Variants in ADIPOR2 observed in about 807,000 individuals in gnomAD.
ADIPOR2 encodes adiponectin receptor protein 2.
ADIPOR2 carries 18 observed loss-of-function variants against 40.9 expected under a neutral mutation model. That is an observed-to-expected ratio of 0.44 (90% confidence interval 0.30 to 0.65). The LOEUF is 0.65. Ranked by LOEUF, ADIPOR2 falls within the 30% of genes least tolerant of loss-of-function variation. ADIPOR2 has a pLI of 0.09. For missense variants in ADIPOR2, 283 were observed against 479.2 expected (o/e 0.59, Z 3.82); for synonymous variants, 165 against 166.4 (o/e 0.99, Z 0.06).
chr12:1,751,978 G>A (rs2094770226), intron 1 of ADIPOR2, among the ~76,000 whole-genome samples: 1 of 151,178 alleles, frequency 6.6e-6, no homozygotes, highest in Non-Finnish European at 1.5e-5. Context: ...CATGATCTCG[G>A]CTCACTGCAG....
Position 1,788,352 on chromosome 12 carries a change from C to T in ADIPOR2, c.*2280C>T, listed in dbSNP as rs1164768888. 2 of 152,680 alleles carry T rather than the reference C, an allele frequency of 1.3e-5. No individual in the cohort carries two copies. The highest frequency in any genetic ancestry group is 6.5e-5 in the Admixed American group (1 of 15,284). 9.5% of individuals were successfully genotyped at this position (152,680 alleles called of 1,614,324 possible). On this transcript the variant is annotated 3_prime_UTR_variant, in exon 8 of 8. Coordinates refer to ENST00000357103, the MANE Select transcript of ADIPOR2 (RefSeq NM_024551.3). ...CATGTGCACTTGACCTGACAGTGCT[C>T]GCTGAGAACTCTCACCAGGTTGGCG... is the stretch of plus-strand genomic sequence containing the variant.
intron 2 of ADIPOR2, among the ~76,000 whole-genome samples, chr12:1,755,834 A>T (rs147193760): frequency 2.9e-4 from 44 of 152,396 alleles, no homozygotes; most frequent in East Asian, 2.7e-3. Context: ...AGATCAAAAT[A>T]GAATAAAAAC....
chr12:1,741,673 TG>T (rs1163635993), intron 1 of ADIPOR2, among the ~76,000 whole-genome samples: 1 of 152,190 alleles, frequency 6.6e-6, no homozygotes, highest in Admixed American at 6.5e-5. Flanking sequence ...AGACAACCAA[TG>T]GGGAATTCAT....
chr12:1,711,063 CA>C (rs1254539768), intron 1 of ADIPOR2, among the ~76,000 whole-genome samples: 1 of 152,152 alleles, frequency 6.6e-6, no homozygotes, highest in African/African-American at 2.4e-5. Context: ...GGTGGCGTCT[CA>C]TACTATCCCT....
intron 1 of ADIPOR2, among the ~76,000 whole-genome samples, chr12:1,716,024 T>TG (rs2094686967): frequency 6.6e-6 from 1 of 152,166 alleles, no homozygotes; most frequent in Non-Finnish European, 1.5e-5. Context: ...CAGTAAATCT[T>TG]GCTGCTGCTC....
At chr12:1,703,122 G>A (rs1358488711) in intron 1 of ADIPOR2, 1 of 152,172 alleles carries the variant, frequency 6.6e-6, no homozygotes, top group Non-Finnish European at 1.5e-5. Context: ...CAATCTAAAT[G>A]TTAAAAATAT....
chr12:1,776,473 T>G (rs1592630247), intron 3 of ADIPOR2, among the ~76,000 whole-genome samples: 2 of 152,332 alleles, frequency 1.3e-5, no homozygotes, highest in East Asian at 3.9e-4. Context: ...TGAGCCCACA[T>G]TAGCTGGAAG....
intron 1 of ADIPOR2, among the ~76,000 whole-genome samples, chr12:1,693,740 T>C (rs891054259): frequency 6.6e-6 from 1 of 152,028 alleles, no homozygotes; most frequent in Non-Finnish European, 1.5e-5. Flanking sequence ...GGTTTCACCA[T>C]GTTGGCCAGG....
At chr12:1,771,511 A>G (rs539456168) in intron 2 of ADIPOR2, among the ~76,000 whole-genome samples, 5 of 152,188 alleles carry the variant, frequency 3.3e-5, no homozygotes, top group Non-Finnish European at 7.3e-5. Context: ...TCATTGAAGG[A>G]TAGATGGTAA....
intron 3 of ADIPOR2, 94 bp downstream of exon 3, chr12:1,773,055 T>C (rs1862519779): frequency 2.7e-5 from 39 of 1,433,190 alleles, no homozygotes; most frequent in Non-Finnish European, 3.5e-5. Flanking sequence ...TAGCCTTTGG[T>C]TTGCTTTGGG....
chr12:1,726,883 TC>T (rs2094709094), intron 1 of ADIPOR2, among the ~76,000 whole-genome samples: 1 of 152,222 alleles, frequency 6.6e-6, no homozygotes, highest in East Asian at 1.9e-4. Flanking sequence ...TTCTTTATGA[TC>T]TTTTCATCTC....
chr12:1,784,489 C>T (rs557137669), intron 7 of ADIPOR2, among the ~76,000 whole-genome samples: 1 of 152,238 alleles, frequency 6.6e-6, no homozygotes, highest in East Asian at 1.9e-4. Flanking sequence ...AATGGCAAGT[C>T]ATTTTGCCAT....
rs189636965 is a variant in ADIPOR2, at chr12:1,741,019, A to T, written c.-86-13239A>T. ...TTCCCAGGCATGTTTCTAGGGCCTG[A>T]TGTTGATCAAGATTGGTATGGAAAA... On this transcript the variant is annotated intron_variant, in intron 1 of 7. Transcript: ENST00000357103. 2.5e-3 allele frequency among the ~76,000 whole-genome samples: 378 copies of T among 152,264 alleles called. 3 individuals carry two copies. Among genetic ancestry groups the T allele is most frequent in the Non-Finnish European group, 4.6e-3 (310 of 68,022 alleles).
In ADIPOR2 at chr12:1,782,129, G is replaced by A. The variant is rs375939852; in HGVS notation, c.838+1053G>A. 6.2e-4 allele frequency among the ~76,000 whole-genome samples: 94 copies of A among 152,334 alleles called. 3 individuals are homozygous for A. The South Asian group carries it at 0.019, about 30-fold the overall frequency. ...TGTAGAGGAAAAGAAAAAGTGAATA[G>A]TGCAAAAGTCTAGCAAATCTTTCCT... is the stretch of plus-strand genomic sequence containing the variant. On this transcript the variant is annotated intron_variant, in intron 6 of 7. Transcript: ENST00000357103.
At chr12:1,772,991 G>C (rs2099663919) in intron 3 of ADIPOR2, 30 bp downstream of exon 3, 1 of 1,609,524 alleles carries the variant, frequency 6.2e-7, no homozygotes, top group African/African-American at 1.3e-5. Context: ...TCATTGTCAT[G>C]CTATATATTT....
intron 1 of ADIPOR2, among the ~76,000 whole-genome samples, chr12:1,708,079 A>C (rs1407871567): frequency 1.3e-5 from 2 of 152,242 alleles, no homozygotes; most frequent in Non-Finnish European, 2.9e-5. Flanking sequence ...ATACAAATAA[A>C]AAATACAGTA....
intron 1 of ADIPOR2, among the ~76,000 whole-genome samples, chr12:1,715,980 C>T (rs1470841254): frequency 6.6e-6 from 1 of 152,086 alleles, no homozygotes; most frequent in Non-Finnish European, 1.5e-5. Context: ...GGGTCTCCTT[C>T]CACACCGTAG....
At chr12:1,698,953 T>C (rs1389671304) in intron 1 of ADIPOR2, among the ~76,000 whole-genome samples, 1 of 152,208 alleles carries the variant, frequency 6.6e-6, no homozygotes, top group Non-Finnish European at 1.5e-5. Flanking sequence ...TTTGTTTCAA[T>C]AGCATTCTTT....
chr12:1,745,592 A>G (rs1205934468), intron 1 of ADIPOR2, among the ~76,000 whole-genome samples: 5 of 152,236 alleles, frequency 3.3e-5, no homozygotes, highest in South Asian at 4.1e-4. Context: ...TTCATCTTCA[A>G]TATCATCTTG....
Sources: gnomAD v4.1 joint callset for allele counts (sites outside exome capture counted in the v4.1 genomes callset) on GRCh38, gnomAD v4.1.1 for gene constraint, MANE v1.5 for transcripts, NCBI Gene and HGNC (gene_info 2026-07-23, HGNC 2026-07-21) for gene names.